UBR3: variants seen among roughly 807,000 people sequenced by gnomAD.
UBR3 encodes ubiquitin protein ligase E3 component n-recognin 3.
In UBR3, 85 loss-of-function variants were observed where a neutral mutation model predicts 243.2. The observed-to-expected ratio is 0.35, with a 90% CI of 0.29 to 0.42. UBR3 has a LOEUF of 0.42. Among genes scored for constraint, UBR3 ranks in the 10% least tolerant of loss-of-function variants. UBR3 has a pLI of 1.00. For missense variants in UBR3, 1,686 were observed against 2,300.8 expected (o/e 0.73, Z 5.47); for synonymous variants, 748 against 799.8 (o/e 0.94, Z 1.09).
At chr2:169,836,805 C>T (rs933539891) in intron 1 of UBR3, among the ~76,000 whole-genome samples, 18 of 151,954 alleles carry the variant, frequency 1.2e-4, no homozygotes, top group African/African-American at 3.4e-4. Context: ...TGGTGAACTG[C>T]TGGTTCATAT....
At chr2:169,916,532 G>A (rs559640335) in intron 11 of UBR3, among the ~76,000 whole-genome samples, 1 of 151,956 alleles carries the variant, frequency 6.6e-6, no homozygotes, top group Admixed American at 6.5e-5. Context: ...GAGAAGCCCT[G>A]TTCACCCTCT....
chr2:169,878,836 G>T (rs886777808), intron 5 of UBR3, among the ~76,000 whole-genome samples: 36 of 152,196 alleles, frequency 2.4e-4, no homozygotes, highest in African/African-American at 7.7e-4. Flanking sequence ...CTTTTTCACA[G>T]TTTAAAAGTG....
At chr2:169,891,546 A>G (rs970886194) in intron 6 of UBR3, among the ~76,000 whole-genome samples, 3 of 151,808 alleles carry the variant, frequency 2.0e-5, no homozygotes, top group African/African-American at 7.3e-5. Flanking sequence ...TTCCTTTTAT[A>G]ATCTGGGGTA....
chr2:170,020,307 G>A (rs1490887304), intron 30 of UBR3, among the ~76,000 whole-genome samples: 1 of 152,104 alleles, frequency 6.6e-6, no homozygotes, highest in African/African-American at 2.4e-5. Flanking sequence ...TGTGTAAATT[G>A]TCTCCTGAGA....
intron 25 of UBR3, among the ~76,000 whole-genome samples, chr2:169,987,291 C>T (rs934792179): frequency 6.6e-6 from 1 of 150,794 alleles, no homozygotes; most frequent in African/African-American, 2.4e-5. Context: ...TATTTGGGAG[C>T]CTGAGGCAGG....
intron 1 of UBR3, among the ~76,000 whole-genome samples, chr2:169,866,456 G>A (rs1003681395): frequency 6.6e-6 from 1 of 150,912 alleles, no homozygotes; most frequent in Non-Finnish European, 1.5e-5. Context: ...CTCCGCCTCC[G>A]GATTCAAGCC....
At position 169,926,597 on chromosome 2, in the gene UBR3, A is replaced by G. The variant is rs1026259188; in HGVS notation, c.2152-95A>G. ...GACTCTGTCTCAAAAACAAAAAACA[A>G]AAAACAAAAAACAAAAAAAAGTATA... On this transcript the variant is annotated intron_variant, in intron 14 of 38. Transcript: ENST00000272793. The G allele has an allele frequency of 7.5e-6, 10 of 1,339,292 alleles. No individual in the cohort carries two copies. In the African/African-American group the frequency reaches 1.3e-4, roughly 18 times the overall value. The allele number at this position is 1,339,292 out of a possible 1,614,324, so 83.0% of individuals were successfully genotyped here.
chr2:169,871,743 CAA>C (rs562559554), intron 1 of UBR3, among the ~76,000 whole-genome samples: 7 of 94,980 alleles, frequency 7.4e-5, no homozygotes, highest in Admixed American at 2.5e-4. Flanking sequence ...CCAAGACTCT[CAA>C]AAAAAAAAAA....
chr2:169,969,833 G>A (rs1418934480), intron 24 of UBR3, among the ~76,000 whole-genome samples: 1 of 132,770 alleles, frequency 7.5e-6, no homozygotes, highest in Non-Finnish European at 1.8e-5. Context: ...ACAGGCATGA[G>A]CCACCACGCC....
intron 10 of UBR3, among the ~76,000 whole-genome samples, chr2:169,907,772 T>C (rs1265757833): frequency 6.6e-6 from 1 of 151,210 alleles, no homozygotes; most frequent in Non-Finnish European, 1.5e-5. Flanking sequence ...TTTTTTTTAA[T>C]TTTTAAATTT....
intron 1 of UBR3, among the ~76,000 whole-genome samples, chr2:169,842,443 G>T (rs1443823791): frequency 2.0e-5 from 3 of 152,086 alleles, no homozygotes; most frequent in African/African-American, 7.3e-5. Flanking sequence ...AGCCAGCATT[G>T]GCAACCCTCT....
At chr2:169,977,861 T>C (rs2088529148) in intron 24 of UBR3, among the ~76,000 whole-genome samples, 1 of 152,200 alleles carries the variant, frequency 6.6e-6, no homozygotes, top group Non-Finnish European at 1.5e-5. Flanking sequence ...TCGTGTCATA[T>C]TTCCTTGCTT....
chr2:170,080,076 A>C lies in UBR3; in HGVS notation c.5409+53A>C, dbSNP rs6752848. 1,867 of 1,509,632 alleles carry C rather than the reference A, an allele frequency of 1.2e-3. 23 individuals carry two copies. In the African/African-American group the frequency reaches 0.023, roughly 19 times the overall value. 93.5% of individuals were successfully genotyped at this position (1,509,632 alleles called of 1,614,324 possible). A position where few individuals can be genotyped will look rare whatever the true frequency, so the allele number is the denominator to read the frequency against. ...TATGAAAACACAGATCTCATATCACAAAATATGGTCAAGCCATCTCTTCAT... is the reference window on the plus strand; with the variant it reads ...TATGAAAACACAGATCTCATATCACCAAATATGGTCAAGCCATCTCTTCAT... On this transcript the variant is annotated intron_variant, in intron 37 of 38. Coordinates refer to ENST00000272793, the MANE Select transcript of UBR3 (RefSeq NM_172070.4).
intron 23 of UBR3, among the ~76,000 whole-genome samples, chr2:169,952,849 T>A (rs2087102161): frequency 1.3e-5 from 2 of 152,156 alleles, no homozygotes; most frequent in South Asian, 4.1e-4. Context: ...ATAATTCAGA[T>A]GACCATTCAT....
chr2:170,073,732 A>C, intron 36 of UBR3, 125 bp downstream of exon 36: 1 of 895,658 alleles, frequency 1.1e-6, no homozygotes. Flanking sequence ...GATTAAATTG[A>C]AAAAATTGTT....
rs2090203630 is a variant in UBR3, at chr2:170,015,334, G to A, written c.4421G>A (p.Gly1474Asp). 1.2e-6 allele frequency: 2 copies of A among 1,611,732 alleles called. No individual in the cohort carries two copies. Among genetic ancestry groups the A allele is most frequent in the Non-Finnish European group, 8.5e-7 (1 of 1,178,760 alleles). Residue 1474 changes from glycine (G) to aspartate (D), a missense_variant, in exon 30 of 39, where the codon GGT becomes GAT. Gly to Asp is a moderately conservative substitution (Grantham distance 94). Around this residue, in one of 8 missense-constraint regions of UBR3, gnomAD observed 371 missense variants for 422.5 expected, o/e 0.88. Transcript: ENST00000272793. ...IHRGGNLCSG[G>D]ASTAGKRSCL... ...CGAGGAGGCAATTTGTGTTCAGGTG[G>A]TGCAAGCACAGCTGGCAAAAGGTCT...
intron 23 of UBR3, among the ~76,000 whole-genome samples, chr2:169,956,171 C>A (rs953881780): frequency 6.6e-6 from 1 of 151,672 alleles, no homozygotes; most frequent in African/African-American, 2.4e-5. Context: ...CTGTAACTCT[C>A]TACTTCTGCA....
At chr2:169,926,248 G>A in intron 14 of UBR3, among the ~76,000 whole-genome samples, 1 of 152,170 alleles carries the variant, frequency 6.6e-6, no homozygotes, top group East Asian at 1.9e-4. Flanking sequence ...TCTGTCTTCA[G>A]GTCTGTAATG....
chr2:169,994,826 T>A (rs747636301), intron 26 of UBR3, among the ~76,000 whole-genome samples: 2 of 152,172 alleles, frequency 1.3e-5, no homozygotes, highest in African/African-American at 4.8e-5. Context: ...TCTCCCCATG[T>A]CTTTATGGGT....
Sources: allele counts gnomAD v4.1 joint callset (sites outside exome capture counted in the v4.1 genomes callset), GRCh38; gene constraint gnomAD v4.1.1; regional missense constraint gnomAD v4.1.1; transcripts MANE v1.5; gene names NCBI Gene and HGNC (gene_info 2026-07-23, HGNC 2026-07-21).